Variants in AP2B1 observed in about 807,000 individuals in gnomAD.
AP2B1 encodes the protein AP-2 complex subunit beta.
A neutral mutation model predicts 102.0 loss-of-function variants in AP2B1; 23 were observed. The observed-to-expected ratio is 0.23, with a 90% CI of 0.16 to 0.32. The LOEUF (loss-of-function observed/expected upper bound fraction) is 0.32, where lower values mean the gene tolerates loss of function less well. AP2B1 is among the 10% of genes least tolerant of loss of function. AP2B1 has a pLI of 1.00. For missense variants in AP2B1, 541 were observed against 1,157.4 expected (o/e 0.47, Z 7.73); for synonymous variants, 381 against 421.2 (o/e 0.90, Z 1.17).
chr17:35,703,665 A>T (rs1398821366), intron 18 of AP2B1, among the ~76,000 whole-genome samples: 1 of 152,102 alleles, frequency 6.6e-6, no homozygotes, highest in Non-Finnish European at 1.5e-5. Context: ...AATAGCACAC[A>T]CTGGGGTCTG....
At chr17:35,594,152 T>G in intron 2 of AP2B1, 85 bp downstream of exon 2, 1 of 815,308 alleles carries the variant, frequency 1.2e-6, no homozygotes, top group Non-Finnish European at 1.9e-6. Context: ...TGCTGACCTC[T>G]TCCTTCAGAC....
chr17:35,637,296 T>C (rs561554332), intron 10 of AP2B1, among the ~76,000 whole-genome samples: 1 of 152,042 alleles, frequency 6.6e-6, no homozygotes, highest in South Asian at 2.1e-4. Context: ...GTGATTCTCC[T>C]GCCTCAGCTT....
intron 21 of AP2B1, among the ~76,000 whole-genome samples, chr17:35,720,566 TATATATA>T (rs200522516): frequency 3.3e-4 from 18 of 54,796 alleles, no homozygotes; most frequent in African/African-American, 7.1e-4. Context: ...TATATATATA[TATATATA>T]TTTTTTTTTT....
intron 18 of AP2B1, among the ~76,000 whole-genome samples, chr17:35,688,854 A>C (rs888052429): frequency 6.6e-6 from 1 of 152,072 alleles, no homozygotes; most frequent in East Asian, 1.9e-4. Context: ...GTCCCAGCTA[A>C]TCAGGAAGCT....
At chr17:35,702,152 G>A (rs916876880) in intron 18 of AP2B1, among the ~76,000 whole-genome samples, 2 of 152,118 alleles carry the variant, frequency 1.3e-5, no homozygotes, top group African/African-American at 4.8e-5. Context: ...CGGCAAATCA[G>A]TACAATACAT....
intron 14 of AP2B1, among the ~76,000 whole-genome samples, chr17:35,660,782 C>T (rs752018331): frequency 2.0e-5 from 3 of 152,208 alleles, no homozygotes; most frequent in Non-Finnish European, 2.9e-5. Flanking sequence ...CCACGCCTGG[C>T]CCTTTTTCTC....
chr17:35,699,109 C>T (rs1379668251), intron 18 of AP2B1, among the ~76,000 whole-genome samples: 5 of 152,174 alleles, frequency 3.3e-5, no homozygotes, highest in Non-Finnish European at 7.4e-5. Context: ...GTTTCAGTGT[C>T]TTTTGGTTTC....
At chr17:35,687,913 TTTCCTCAA>T (rs2075968662) in intron 18 of AP2B1, among the ~76,000 whole-genome samples, 1 of 152,228 alleles carries the variant, frequency 6.6e-6, no homozygotes. Flanking sequence ...TAAAGTGATT[TTTCCTCAA>T]TAAAACTTTT....
chr17:35,613,603 C>T (rs530012666), intron 5 of AP2B1, among the ~76,000 whole-genome samples: 1 of 152,202 alleles, frequency 6.6e-6, no homozygotes, highest in South Asian at 2.1e-4. Flanking sequence ...GTTTCCTTTC[C>T]TGGAAGATGA....
At chr17:35,661,126 A>G (rs1264972657) in intron 14 of AP2B1, among the ~76,000 whole-genome samples, 1 of 152,176 alleles carries the variant, frequency 6.6e-6, no homozygotes, top group African/African-American at 2.4e-5. Context: ...TGTACTGCTA[A>G]CAAAGTATTG....
At chr17:35,722,234 ACT>A (rs1210901940) in intron 21 of AP2B1, among the ~76,000 whole-genome samples, 4 of 152,136 alleles carry the variant, frequency 2.6e-5, no homozygotes, top group Non-Finnish European at 5.9e-5. Context: ...ACAGAGCAAG[ACT>A]CTGTCTCAAA....
intron 9 of AP2B1, among the ~76,000 whole-genome samples, chr17:35,633,601 T>G (rs577803195): frequency 1.3e-5 from 2 of 152,308 alleles, no homozygotes; most frequent in East Asian, 3.9e-4. Flanking sequence ...ATATGTTAAC[T>G]GTTTCCGTTT....
chr17:35,667,277 A>C (rs531501678), intron 14 of AP2B1, among the ~76,000 whole-genome samples: 1 of 152,212 alleles, frequency 6.6e-6, no homozygotes, highest in African/African-American at 2.4e-5. Flanking sequence ...AATAGTCCGC[A>C]TAAGCTGTAG....
In AP2B1 at chr17:35,706,623, C is replaced by T. The variant is rs996198102; in HGVS notation, c.2455-2601C>T. On this transcript the variant is annotated intron_variant, in intron 18 of 21. Coordinates refer to ENST00000610402, the MANE Select transcript of AP2B1 (RefSeq NM_001030006.2). ...AGACCTTTACATGACCCACCATTAGCCTACCCCCATCACCCCAGTTTTCAC... is the reference window on the plus strand; with the variant it reads ...AGACCTTTACATGACCCACCATTAGTCTACCCCCATCACCCCAGTTTTCAC... Among the ~76,000 whole-genome samples, 6 of 151,858 alleles carry T rather than the reference C, an allele frequency of 4.0e-5. No individual in the cohort carries two copies. In the South Asian group the frequency reaches 1.0e-3, roughly 26 times the overall value.
intron 4 of AP2B1, 86 bp from the exon 5 acceptor site, chr17:35,608,056 G>A (rs935670145): frequency 8.0e-6 from 12 of 1,495,372 alleles, no homozygotes; most frequent in Non-Finnish European, 1.1e-5. Context: ...AATTAATGAG[G>A]TAATTCTTTT....
At chr17:35,648,286 TG>T (rs2074991886) in intron 12 of AP2B1, among the ~76,000 whole-genome samples, 1 of 151,888 alleles carries the variant, frequency 6.6e-6, no homozygotes, top group South Asian at 2.1e-4. Flanking sequence ...GAGGCTGAGG[TG>T]GGCGGATGAC....
chr17:35,632,281 T>A lies in AP2B1; in HGVS notation c.1156-4060T>A, dbSNP rs577591622. 5.3e-5 allele frequency among the ~76,000 whole-genome samples: 8 copies of A among 152,098 alleles called. No individual in the cohort carries two copies. The East Asian group carries it at 1.6e-3, about 29-fold the overall frequency. The stretch of plus-strand genomic sequence containing the variant: ...TCCAGAGTAGCTGGGATTACAGACA[T>A]GCACCACCATGCCCGGCTAATTTTT... On this transcript the variant is annotated intron_variant, in intron 9 of 21. Coordinates refer to ENST00000610402, the MANE Select transcript of AP2B1 (RefSeq NM_001030006.2).
intron 2 of AP2B1, among the ~76,000 whole-genome samples, chr17:35,594,989 A>G (rs760655218): frequency 6.6e-6 from 1 of 152,208 alleles, no homozygotes; most frequent in Non-Finnish European, 1.5e-5. Context: ...TTTGTTGCTT[A>G]GGATCAGAAT....
At chr17:35,656,754 G>GGCA (rs2075234852) in intron 13 of AP2B1, among the ~76,000 whole-genome samples, 4 of 151,990 alleles carry the variant, frequency 2.6e-5, no homozygotes, top group African/African-American at 9.7e-5. Flanking sequence ...GCACGGTGGT[G>GGCA]GGCGCCTGTA....
Sources: allele counts gnomAD v4.1 joint callset (sites outside exome capture counted in the v4.1 genomes callset), GRCh38; gene constraint gnomAD v4.1.1; transcripts MANE v1.5; gene names NCBI Gene and HGNC (gene_info 2026-07-23, HGNC 2026-07-21).